DNAJC14: variants seen among roughly 807,000 people sequenced by gnomAD.
The protein encoded by DNAJC14 is dnaJ homolog subfamily C member 14.
Under a neutral mutation model 68.8 loss-of-function variants are expected in DNAJC14, and 12 were observed. That is an observed-to-expected ratio of 0.17 (90% confidence interval 0.11 to 0.28). DNAJC14 has a LOEUF of 0.28. Ranked by LOEUF, DNAJC14 falls within the 10% of genes least tolerant of loss-of-function variation. DNAJC14 has a pLI of 1.00. For missense variants in DNAJC14, 764 were observed against 875.6 expected (o/e 0.87, Z 1.61); for synonymous variants, 350 against 321.5 (o/e 1.09, Z -0.95).
At position 55,829,525 on chromosome 12, in the gene DNAJC14, C is replaced by T. The variant is rs996572686; in HGVS notation, c.-93G>A. On this transcript the variant is annotated 5_prime_UTR_variant, in exon 1 of 7. Coordinates refer to ENST00000678005, the MANE Select transcript of DNAJC14 (RefSeq NM_032364.6). ...GGTAACTCCTCCCCCTCGAGCCGCC[C>T]GGCCTGGGGCCAGGGTGAGCTACGA... The T allele has an allele frequency of 5.1e-6, 5 of 985,294 alleles. No homozygotes were observed. Among genetic ancestry groups the T allele is most frequent in the African/African-American group, 1.7e-5 (1 of 57,226 alleles). The allele number at this position is 985,294 out of a possible 1,614,324, so 61.0% of individuals were successfully genotyped here.
intron 1 of DNAJC14, chr12:55,828,996 G>A: frequency 8.7e-6 from 6 of 686,510 alleles, no homozygotes; most frequent in Non-Finnish European, 1.1e-5. Context: ...GTCGGGGGAG[G>A]GTGGGTCACT....
Position 55,828,207 on chromosome 12 carries a change from C to A in DNAJC14, c.452G>T (p.Ser151Ile). The change falls in exon 2 of 7, where the codon AGC (serine) becomes ATC (isoleucine). Residue 151 changes from serine to isoleucine, a missense_variant. Physicochemically the swap from Ser to Ile is moderately radical, Grantham distance 142. Transcript: ENST00000678005. The part of the protein sequence containing the change: ...PYSEGGNGSS[S>I]NFCHHCTSPA... ...AGAGGTACAGTGGTGGCAAAAGTTG[C>A]TAGAAGAACCATTTCCTCCCTCAGA... The A allele has an allele frequency of 6.2e-7, 1 of 1,611,228 alleles. No homozygotes were observed. The highest frequency in any genetic ancestry group is 1.3e-5 in the African/African-American group (1 of 74,824).
At chr12:55,829,641 C>T (rs1302862306), upstream of DNAJC14, 9 of 979,512 alleles carry the variant, frequency 9.2e-6, no homozygotes, top group Admixed American at 5.5e-4. Context: ...CTTCCACTTC[C>T]GGGGTCACCA....
Position 55,822,004 on chromosome 12 carries a change from C to T in DNAJC14, c.2082G>A (p.Lys694=), listed in dbSNP as rs1192986778. The change falls in exon 7 of 7, where the codon AAG becomes AAA. Residue 694 remains lysine, a synonymous_variant. Transcript: ENST00000678005. ...AACGTTGGAAGGGCCTCCTCACTTT[C>T]TTCCGCCGCTTAGGTTTGGCTTCTC... is the stretch of plus-strand genomic sequence containing the variant. ...PKGEAKPKRR[K]KVRRPFQR The T allele has an allele frequency of 6.2e-7, 1 of 1,613,044 alleles. No homozygotes were observed. Among genetic ancestry groups the T allele is most frequent in the African/African-American group, 1.3e-5 (1 of 74,968 alleles).
intron 2 of DNAJC14, among the ~76,000 whole-genome samples, chr12:55,826,254 A>G (rs894798695): frequency 1.4e-5 from 2 of 146,302 alleles, no homozygotes; most frequent in Non-Finnish European, 1.5e-5. Flanking sequence ...CAGATCCCAT[A>G]GTGGAGGGGA....
intron 1 of DNAJC14, 132 bp from the exon 2 acceptor site, chr12:55,828,846 C>T: frequency 8.2e-7 from 1 of 1,217,154 alleles, no homozygotes; most frequent in Non-Finnish European, 1.1e-6. Context: ...ATTCGCTATT[C>T]CTAGCAATAA....
Position 55,828,633 on chromosome 12 carries a change from C to CT in DNAJC14, c.25dup (p.Arg9LysfsTer24). ...ACTGTGGTGGGCTCCATACAACCCT[C>CT]TTTCTCCGGGGTGCTTCTGGGCCAT... is the stretch of plus-strand genomic sequence containing the variant. On this transcript the variant is annotated frameshift_variant, in exon 2 of 7. Coordinates refer to ENST00000678005, the MANE Select transcript of DNAJC14 (RefSeq NM_032364.6). LOFTEE classifies it high-confidence loss of function. 6.2e-7 allele frequency: 1 copy of CT among 1,613,622 alleles called. No homozygotes were observed. The highest frequency in any genetic ancestry group is 8.5e-7 in the Non-Finnish European group (1 of 1,179,634).
Position 55,828,632 on chromosome 12 carries a change from T to C in DNAJC14, c.27A>G (p.Arg9=), listed in dbSNP as rs1198047983. Residue 9 remains arginine (R), a synonymous_variant, in exon 2 of 7, where the codon AGA becomes AGG. Coordinates refer to ENST00000678005, the MANE Select transcript of DNAJC14 (RefSeq NM_032364.6). The part of the protein sequence containing the change: MAQKHPGE[R]GLYGAHHSGG... ...CACTGTGGTGGGCTCCATACAACCC[T>C]CTTTCTCCGGGGTGCTTCTGGGCCA... 1.2e-6 allele frequency: 2 copies of C among 1,613,434 alleles called. No homozygotes were observed. Among genetic ancestry groups the C allele is most frequent in the East Asian group, 4.5e-5 (2 of 44,856 alleles).
Position 55,828,688 on chromosome 12 carries a change from C to A in DNAJC14, c.-30G>T. On this transcript the variant is annotated 5_prime_UTR_variant, in exon 2 of 7. Coordinates refer to ENST00000678005, the MANE Select transcript of DNAJC14 (RefSeq NM_032364.6). ...CCGGGGCTTCCTGAGGGTCTTAGGT[C>A]ACAGCCATCATGGTGTGTTCTGATG... is the stretch of plus-strand genomic sequence containing the variant. 1.3e-6 allele frequency: 2 copies of A among 1,592,656 alleles called. No homozygotes were observed. The highest frequency in any genetic ancestry group is 1.1e-5 in the South Asian group (1 of 88,550).
chr12:55,824,111 C>G (rs1157544976), intron 2 of DNAJC14, among the ~76,000 whole-genome samples: 1 of 151,952 alleles, frequency 6.6e-6, no homozygotes, highest in East Asian at 1.9e-4. Flanking sequence ...GAATCAGGTA[C>G]TACGGTGGAT....
chr12:55,824,378 T>A (rs191996471), intron 2 of DNAJC14, among the ~76,000 whole-genome samples: 126 of 152,328 alleles, frequency 8.3e-4, no homozygotes, highest in African/African-American at 2.8e-3. Context: ...TCAGAGACTT[T>A]ATGTACTTTT....
At chr12:55,826,768 C>T (rs542812556) in intron 2 of DNAJC14, among the ~76,000 whole-genome samples, 2 of 151,128 alleles carry the variant, frequency 1.3e-5, no homozygotes, top group African/African-American at 4.9e-5. Flanking sequence ...CACTGCACTC[C>T]AGCCTGGGCG....
intron 2 of DNAJC14, among the ~76,000 whole-genome samples, chr12:55,826,888 G>A (rs1880811275): frequency 6.6e-6 from 1 of 151,442 alleles, no homozygotes; most frequent in Non-Finnish European, 1.5e-5. Context: ...CCTAAAACTG[G>A]AATAGAAAAT....
chr12:55,828,723 G>GAT lies in DNAJC14; in HGVS notation c.-56-11_-56-10dup. 1 of 1,517,498 alleles carries GAT rather than the reference G, an allele frequency of 6.6e-7. No homozygotes were observed. The highest frequency in any genetic ancestry group is 2.3e-5 in the East Asian group (1 of 43,196). 94.0% of individuals were successfully genotyped at this position (1,517,498 alleles called of 1,614,324 possible). ...ATGGTGTGTTCTGATGCCTGTAACAGATATCAAGGTGGAGACAGTCAAGGA... is the reference window on the plus strand; with the variant it reads ...ATGGTGTGTTCTGATGCCTGTAACAGATATATCAAGGTGGAGACAGTCAAGGA... On this transcript the variant is annotated splice_polypyrimidine_tract_variant and intron_variant, in intron 1 of 6. Transcript: ENST00000678005.
Position 55,823,418 on chromosome 12 carries a change from G to A in DNAJC14, c.1498C>T (p.Arg500Ter). ...CCAACTTACATCTCATACTCCTTTCGCTTTTCAGCATTGCTGACAATGTCC... is the reference window on the plus strand; with the variant it reads ...CCAACTTACATCTCATACTCCTTTCACTTTTCAGCATTGCTGACAATGTCC... Reference protein sequence around the residue: ...AWDIVSNAEKRKEYEMKRMAE... With the variant: ...AWDIVSNAEK The change falls in exon 3 of 7, where the codon CGA becomes TGA. Residue 500 changes from arginine to a stop codon, truncating the protein, a stop_gained. Transcript: ENST00000678005. LOFTEE classifies it high-confidence loss of function. 6.2e-7 allele frequency: 1 copy of A among 1,613,942 alleles called. No homozygotes were observed.
chr12:55,821,865 A>G lies in DNAJC14; in HGVS notation c.*112T>C, dbSNP rs946394105. On this transcript the variant is annotated 3_prime_UTR_variant, in exon 7 of 7. Coordinates refer to ENST00000678005, the MANE Select transcript of DNAJC14 (RefSeq NM_032364.6). ...AGCAAGACTCCATCTCAAAAAATAA[A>G]AAGAAAAAGATTCAGTTCCTAGGTG... The G allele has an allele frequency of 1.7e-5, 21 of 1,229,220 alleles. No homozygotes were observed. In the South Asian group the frequency reaches 2.3e-4, roughly 13 times the overall value. The allele number at this position is 1,229,220 out of a possible 1,614,324, so 76.1% of individuals were successfully genotyped here.
At chr12:55,826,856 G>GCCTTCCCTTTATTCCACTCTC (rs1310021566) in intron 2 of DNAJC14, among the ~76,000 whole-genome samples, 1 of 151,260 alleles carries the variant, frequency 6.6e-6, no homozygotes, top group East Asian at 2.0e-4. Flanking sequence ...TTTCTACTCT[G>GCCTTCCCTTTATTCCACTCTC]CCTTCCCTTT....
chr12:55,821,904 G>A lies in DNAJC14; in HGVS notation c.*73C>T. 1 of 1,446,000 alleles carries A rather than the reference G, an allele frequency of 6.9e-7. No homozygotes were observed. The highest frequency in any genetic ancestry group is 2.3e-5 in the East Asian group (1 of 42,924). 89.6% of individuals were successfully genotyped at this position (1,446,000 alleles called of 1,614,324 possible). On this transcript the variant is annotated 3_prime_UTR_variant, in exon 7 of 7. Transcript: ENST00000678005. ...AGTTCCTAGGTGTTGGGGGAGGAGGGATAAATCAAACTCCATCCTGTGCTA... is the reference window on the plus strand; with the variant it reads ...AGTTCCTAGGTGTTGGGGGAGGAGGAATAAATCAAACTCCATCCTGTGCTA...
At chr12:55,827,016 C>CATCTCTACTAAA (rs1880814203) in intron 2 of DNAJC14, among the ~76,000 whole-genome samples, 1 of 151,310 alleles carries the variant, frequency 6.6e-6, no homozygotes, top group Non-Finnish European at 1.5e-5. Context: ...GGTGAAACCC[C>CATCTCTACTAAA]ATCTCTACTA....
Sources: allele counts gnomAD v4.1 joint callset (sites outside exome capture counted in the v4.1 genomes callset), GRCh38; gene constraint gnomAD v4.1.1; transcripts MANE v1.5; gene names NCBI Gene and HGNC (gene_info 2026-07-23, HGNC 2026-07-21).